Variants in NTM observed in about 807,000 individuals in gnomAD.
NTM encodes IgLON family member 2.
A neutral mutation model predicts 42.1 loss-of-function variants in NTM; 13 were observed. The ratio of observed to expected loss-of-function variants is 0.31; its 90% CI spans 0.20 to 0.49. The LOEUF is 0.49. Ranked by LOEUF, NTM falls within the 20% of genes least tolerant of loss-of-function variation. NTM has a pLI of 0.99. For missense variants in NTM, 373 were observed against 452.8 expected (o/e 0.82, Z 1.60); for synonymous variants, 187 against 179.2 (o/e 1.04, Z -0.35).
chr11:131,751,719 T>C (rs1460717010), intron 1 of NTM, among the ~76,000 whole-genome samples: 1 of 152,016 alleles, frequency 6.6e-6, no homozygotes, highest in Non-Finnish European at 1.5e-5. Context: ...AAGATGGCAC[T>C]GCTGCACTCC....
intron 1 of NTM, among the ~76,000 whole-genome samples, chr11:131,732,210 A>G (rs1456780017): frequency 6.6e-6 from 1 of 152,216 alleles, no homozygotes; most frequent in African/African-American, 2.4e-5. Flanking sequence ...TTACTTACTA[A>G]CCCAATTTGT....
intron 2 of NTM, among the ~76,000 whole-genome samples, chr11:132,106,079 G>A (rs956179327): frequency 1.3e-5 from 2 of 152,176 alleles, no homozygotes; most frequent in Non-Finnish European, 1.5e-5. Context: ...CAGTGAAATA[G>A]TGAGGTTCAA....
At chr11:131,894,870 C>T (rs779766849) in intron 1 of NTM, among the ~76,000 whole-genome samples, 11 of 152,200 alleles carry the variant, frequency 7.2e-5, no homozygotes, top group Non-Finnish European at 1.3e-4. Context: ...TTGCTTCACA[C>T]AATCCTAAGA....
chr11:131,613,829 CG>C (rs1565709748), intron 1 of NTM, among the ~76,000 whole-genome samples: 1 of 152,086 alleles, frequency 6.6e-6, no homozygotes, highest in Non-Finnish European at 1.5e-5. Flanking sequence ...CTAAAGCTGG[CG>C]GGAGCCTGGG....
intron 2 of NTM, among the ~76,000 whole-genome samples, chr11:132,014,548 A>AT (rs1460686541): frequency 2.0e-5 from 3 of 151,586 alleles, no homozygotes; most frequent in East Asian, 1.9e-4. Context: ...TTTCTGCATT[A>AT]TTTTTTGTCT....
At chr11:132,035,409 T>C (rs2076392259) in intron 2 of NTM, among the ~76,000 whole-genome samples, 1 of 152,244 alleles carries the variant, frequency 6.6e-6, no homozygotes, top group Non-Finnish European at 1.5e-5. Flanking sequence ...AGCAGAATGC[T>C]ATATGCATAG....
chr11:131,655,005 C>T (rs2066993436), intron 1 of NTM, among the ~76,000 whole-genome samples: 1 of 152,160 alleles, frequency 6.6e-6, no homozygotes, highest in African/African-American at 2.4e-5. Context: ...AATGCTGGGC[C>T]TGGGGCTCGC....
intron 4 of NTM, among the ~76,000 whole-genome samples, chr11:132,247,775 C>G (rs1005103072): frequency 3.9e-5 from 6 of 152,094 alleles, no homozygotes; most frequent in African/African-American, 1.4e-4. Flanking sequence ...GATTTCCCTT[C>G]TTTTCTCTGT....
At chr11:131,533,899 A>T (rs1389366363) in intron 1 of NTM, 7 of 152,224 alleles carry the variant, frequency 4.6e-5, no homozygotes, top group Admixed American at 1.3e-4. Context: ...ATAGATTTGA[A>T]GCCCCCTGTC....
intron 1 of NTM, among the ~76,000 whole-genome samples, chr11:131,679,233 C>T (rs1460950480): frequency 6.6e-6 from 1 of 152,112 alleles, no homozygotes; most frequent in Non-Finnish European, 1.5e-5. Context: ...CCATCTCCTC[C>T]CCTGTGCTTG....
chr11:131,604,996 G>T (rs2060819727), intron 1 of NTM, among the ~76,000 whole-genome samples: 1 of 151,616 alleles, frequency 6.6e-6, no homozygotes, highest in African/African-American at 2.4e-5. Flanking sequence ...CAGGAAATGT[G>T]AGGCCTCCAA....
At chr11:131,657,621 C>G (rs1466299749) in intron 1 of NTM, among the ~76,000 whole-genome samples, 1 of 152,178 alleles carries the variant, frequency 6.6e-6, no homozygotes, top group Non-Finnish European at 1.5e-5. Flanking sequence ...AGCTCAGCAC[C>G]TACTTATCTG....
Position 132,335,358 on chromosome 11 carries a change from AT to A in NTM, c.*215del. 1.7e-6 allele frequency: 1 copy of A among 571,510 alleles called. No individual in the cohort carries two copies. Among genetic ancestry groups the A allele is most frequent in the South Asian group, 2.1e-5 (1 of 47,816 alleles). 35.4% of individuals were successfully genotyped at this position (571,510 alleles called of 1,614,324 possible). On this transcript the variant is annotated 3_prime_UTR_variant, in exon 9 of 9. Transcript: ENST00000683400. The stretch of plus-strand genomic sequence containing the variant: ...AGAAATTGAAAATTGCCTTGCAGAT[AT>A]TTAGGTACAATGGAGTTTTCTTTTC...
chr11:132,106,176 C>T (rs933669170), intron 2 of NTM, among the ~76,000 whole-genome samples: 2 of 152,208 alleles, frequency 1.3e-5, no homozygotes, highest in African/African-American at 4.8e-5. Context: ...AAGCCTTCAG[C>T]TAACAATTAG....
chr11:131,729,549 C>T (rs11604626), intron 1 of NTM, among the ~76,000 whole-genome samples: 159 of 152,130 alleles, frequency 1.0e-3, no homozygotes, highest in Non-Finnish European at 1.8e-3. Flanking sequence ...ATTTTTATCA[C>T]CCCCAAAAGA....
At chr11:131,645,908 G>T (rs545675066) in intron 1 of NTM, among the ~76,000 whole-genome samples, 26 of 152,158 alleles carry the variant, frequency 1.7e-4, no homozygotes, top group Admixed American at 5.9e-4. Flanking sequence ...ATGACGTTTG[G>T]CTTTTGCAAA....
At chr11:131,474,435 C>A (rs1314976613) in intron 1 of NTM, among the ~76,000 whole-genome samples, 6 of 152,044 alleles carry the variant, frequency 3.9e-5, no homozygotes, top group Middle Eastern at 3.2e-3. Flanking sequence ...ACTAGTAATT[C>A]CCCAATCTTG....
rs2069614286 is a variant in NTM at position 132,002,766 on chromosome 11, C to T, written c.167+91118C>T. ...CCACTTCCTTACTCTGTCTCTTTATCAATAAACTCATTGGGAAAAGTGGAG... is the reference window on the plus strand; with the variant it reads ...CCACTTCCTTACTCTGTCTCTTTATTAATAAACTCATTGGGAAAAGTGGAG... On this transcript the variant is annotated intron_variant, in intron 2 of 8. Transcript: ENST00000683400. The surrounding 1 kb of genome is among the most constrained non-coding windows in gnomAD (Gnocchi z 4.5). Among the ~76,000 whole-genome samples, 1 of 152,086 alleles carries T rather than the reference C, an allele frequency of 6.6e-6. No homozygotes were observed. Among genetic ancestry groups the T allele is most frequent in the Admixed American group, 6.5e-5 (1 of 15,274 alleles).
intron 1 of NTM, among the ~76,000 whole-genome samples, chr11:131,408,660 T>C (rs1289978987): frequency 3.9e-5 from 6 of 152,150 alleles, no homozygotes; most frequent in Admixed American, 1.3e-4. Context: ...GGCTCCGAGA[T>C]GGTAGATGCC....
Sources: allele counts gnomAD v4.1 joint callset (sites outside exome capture counted in the v4.1 genomes callset), GRCh38; gene constraint gnomAD v4.1.1; non-coding constraint Gnocchi (gnomAD v3.1); transcripts MANE v1.5; gene names NCBI Gene and HGNC (gene_info 2026-07-23, HGNC 2026-07-21).